ST7: variants seen among roughly 807,000 people sequenced by gnomAD.
ST7 encodes suppressor of tumorigenicity 7 protein.
ST7 carries 28 observed loss-of-function variants against 78.7 expected under a neutral mutation model. The observed-to-expected ratio is 0.36, with a 90% confidence interval of 0.26 to 0.49. ST7 has a LOEUF of 0.49. Among genes scored for constraint, ST7 ranks in the 20% least tolerant of loss-of-function variants. ST7 has a pLI of 0.99. For synonymous variants in ST7, 247 were observed against 249.6 expected (o/e 0.99, Z 0.10); for missense variants, 418 against 696.0 (o/e 0.60, Z 4.49).
At chr7:117,035,938 G>A (rs1796874774) in intron 1 of ST7, among the ~76,000 whole-genome samples, 1 of 152,110 alleles carries the variant, frequency 6.6e-6, no homozygotes, top group Admixed American at 6.5e-5. Flanking sequence ...ACGACCAGAT[G>A]ATTGGGAATT....
intron 1 of ST7, among the ~76,000 whole-genome samples, chr7:116,957,662 T>C (rs1267770652): frequency 6.6e-6 from 1 of 152,228 alleles, no homozygotes; most frequent in Non-Finnish European, 1.5e-5. Flanking sequence ...AAAGCAATAC[T>C]TTTCCAAAGG....
intron 1 of ST7, among the ~76,000 whole-genome samples, chr7:116,988,481 A>T (rs1044249167): frequency 6.6e-6 from 1 of 152,214 alleles, no homozygotes; most frequent in Non-Finnish European, 1.5e-5. Flanking sequence ...ACATTGTTAT[A>T]TACAGATTTC....
chr7:117,090,963 TTG>T (rs1191161955), intron 1 of ST7: 2 of 160,344 alleles, frequency 1.2e-5, no homozygotes, highest in African/African-American at 4.8e-5. Flanking sequence ...CCAATACAGT[TTG>T]CGCCAGTATA....
intron 1 of ST7, among the ~76,000 whole-genome samples, chr7:117,008,500 A>G (rs970957555): frequency 6.6e-6 from 1 of 152,182 alleles, no homozygotes; most frequent in African/African-American, 2.4e-5. Context: ...TTCCATTTTT[A>G]TATAATCTTC....
intron 1 of ST7, among the ~76,000 whole-genome samples, chr7:117,058,837 A>G (rs1798198752): frequency 6.6e-6 from 1 of 152,214 alleles, no homozygotes; most frequent in South Asian, 2.1e-4. Flanking sequence ...TGTGGTACAT[A>G]TACACAATGG....
chr7:117,173,488 TC>T (rs1475680959), intron 10 of ST7: 1 of 152,262 alleles, frequency 6.6e-6, no homozygotes, highest in African/African-American at 2.4e-5. Flanking sequence ...TGAAATGGGT[TC>T]TTTCAAGTTT....
chr7:117,189,266 A>T, intron 10 of ST7, 55 bp from the exon 11 acceptor site: 2 of 1,296,446 alleles, frequency 1.5e-6, no homozygotes, highest in Admixed American at 3.7e-5. Context: ...ATTGAAAATG[A>T]TTGCTCTTTG....
intron 1 of ST7, among the ~76,000 whole-genome samples, chr7:117,026,145 C>T (rs1015184726): frequency 3.3e-5 from 5 of 152,186 alleles, no homozygotes; most frequent in Admixed American, 3.3e-4. Context: ...TGGAGTTACA[C>T]AGGATGTGAA....
intron 1 of ST7, chr7:116,959,078 G>A (rs1312221912): frequency 7.0e-6 from 3 of 428,820 alleles, no homozygotes. Flanking sequence ...CAGAATTGGA[G>A]TCAATTTTAT....
intron 9 of ST7, among the ~76,000 whole-genome samples, chr7:117,149,486 C>G (rs1440830186): frequency 6.6e-6 from 1 of 151,912 alleles, no homozygotes; most frequent in African/African-American, 2.4e-5. Flanking sequence ...TCTGCTCCTA[C>G]TCTGATGGGC....
At chr7:117,175,528 G>T (rs908161821) in intron 10 of ST7, among the ~76,000 whole-genome samples, 3 of 152,162 alleles carry the variant, frequency 2.0e-5, no homozygotes, top group Non-Finnish European at 4.4e-5. Flanking sequence ...GATCCTTGGG[G>T]ATACCAGAAG....
At chr7:116,974,883 A>G (rs980345742) in intron 1 of ST7, among the ~76,000 whole-genome samples, 1 of 152,222 alleles carries the variant, frequency 6.6e-6, no homozygotes, top group African/African-American at 2.4e-5. Context: ...TACAAATGCA[A>G]GTGTCCTGCA....
intron 1 of ST7, among the ~76,000 whole-genome samples, chr7:117,094,385 G>A (rs1800865150): frequency 6.6e-6 from 1 of 152,180 alleles, no homozygotes; most frequent in African/African-American, 2.4e-5. Flanking sequence ...ACAAGTCTCA[G>A]ATGAGATGCC....
chr7:117,108,096 A>G (rs1802124029), intron 2 of ST7, among the ~76,000 whole-genome samples: 1 of 151,974 alleles, frequency 6.6e-6, no homozygotes, highest in East Asian at 1.9e-4. Flanking sequence ...TAGTTTAATT[A>G]AGTCCCATCT....
intron 12 of ST7, among the ~76,000 whole-genome samples, chr7:117,199,645 A>T (rs887668955): frequency 6.6e-6 from 1 of 152,212 alleles, no homozygotes; most frequent in Non-Finnish European, 1.5e-5. Flanking sequence ...CCCTCCCAGC[A>T]GCGCATTCAG....
At chr7:117,009,304 A>AG (rs1389316482) in intron 1 of ST7, among the ~76,000 whole-genome samples, 15 of 116,556 alleles carry the variant, frequency 1.3e-4, no homozygotes, top group Non-Finnish European at 2.4e-4. Flanking sequence ...ACACTAGTCC[A>AG]TTCATGACTA....
chr7:116,985,249 T>TA (rs990788958), intron 1 of ST7, among the ~76,000 whole-genome samples: 15 of 152,144 alleles, frequency 9.9e-5, no homozygotes, highest in Non-Finnish European at 1.9e-4. Context: ...AGATATTTAC[T>TA]AAAAAAATGA....
intron 13 of ST7, among the ~76,000 whole-genome samples, chr7:117,213,110 C>T (rs537542357): frequency 6.6e-5 from 10 of 152,312 alleles, no homozygotes; most frequent in African/African-American, 1.9e-4. Context: ...GGAAAGTTGC[C>T]GCAGCTCCCT....
chr7:117,150,856 G>A (rs988847631), intron 9 of ST7, among the ~76,000 whole-genome samples: 1 of 152,148 alleles, frequency 6.6e-6, no homozygotes, highest in African/African-American at 2.4e-5. Flanking sequence ...TGCCAAATCT[G>A]TTTCTTCACT....
Sources: gnomAD v4.1 joint callset for allele counts (sites outside exome capture counted in the v4.1 genomes callset) on GRCh38, gnomAD v4.1.1 for gene constraint, MANE v1.5 for transcripts, NCBI Gene and HGNC (gene_info 2026-07-23, HGNC 2026-07-21) for gene names.